The following PCDHGA9 variants were observed in gnomAD, a reference collection of about 807,000 sequenced individuals.
PCDHGA9 encodes protocadherin gamma subfamily A, 9.
Under a neutral mutation model 62.5 loss-of-function variants are expected in PCDHGA9, and 37 were observed. The observed-to-expected ratio is 0.59, with a 90% CI of 0.46 to 0.78. The LOEUF is 0.78. Ranked by LOEUF, PCDHGA9 falls within the 30% of genes least tolerant of loss-of-function variation. The pLI is 0.00. For missense variants in PCDHGA9, 1,138 were observed against 1,166.2 expected, an observed-to-expected ratio of 0.98 and a Z score of 0.35; for synonymous variants, 459 against 484.6, an observed-to-expected ratio of 0.95 and a Z score of 0.69.
At chr5:141,406,332 G>A (rs957923011) in intron 1 of PCDHGA9, among the ~76,000 whole-genome samples, 4 of 152,142 alleles carry the variant, frequency 2.6e-5, no homozygotes, top group East Asian at 1.9e-4. Context: ...TTACTCCTAC[G>A]ATCATTTATT....
chr5:141,491,438 G>A lies in PCDHGA9; in HGVS notation c.2425-3369G>A, dbSNP rs376927300. The A allele has an allele frequency of 3.7e-6, 6 of 1,614,066 alleles. No homozygotes were observed. Among genetic ancestry groups the A allele is most frequent in the Admixed American group, 1.7e-5 (1 of 60,016 alleles). On this transcript the variant is annotated intron_variant, in intron 1 of 3. Coordinates refer to ENST00000573521, the MANE Select transcript of PCDHGA9 (RefSeq NM_018921.3). This position sits in a 1 kb window ranked among gnomAD's most constrained non-coding sequence, Gnocchi z 6.9. ...GGGGGTGGAGGGCAGTGCTGCAGGC[G>A]CCAGGACTCACCCTCCCCGGACTTC...
chr5:141,481,691 C>T (rs929210528), intron 1 of PCDHGA9, among the ~76,000 whole-genome samples: 7 of 152,080 alleles, frequency 4.6e-5, no homozygotes, highest in African/African-American at 1.4e-4. Flanking sequence ...TGGTGGCTCA[C>T]GCCTGTAATC....
chr5:141,429,638 A>G (rs2097231013), intron 1 of PCDHGA9, among the ~76,000 whole-genome samples: 1 of 152,238 alleles, frequency 6.6e-6, no homozygotes, highest in African/African-American at 2.4e-5. Flanking sequence ...ACAGCTACCT[A>G]TATATTTCTT....
At position 141,486,464 on chromosome 5, in the gene PCDHGA9, G is replaced by A; in HGVS notation, c.2425-8343G>A. The A allele has an allele frequency of 1.2e-6, 2 of 1,614,034 alleles. No homozygotes were observed. Among genetic ancestry groups the A allele is most frequent in the Non-Finnish European group, 1.7e-6 (2 of 1,179,946 alleles). On this transcript the variant is annotated intron_variant, in intron 1 of 3. Transcript: ENST00000573521. This position sits in a 1 kb window ranked among gnomAD's most constrained non-coding sequence, Gnocchi z 5.0. ...CATCATGGTCACTGCTTCTGATGCTGGGAACCCTCCTCTCAGTACCCACAG... is the reference window on the plus strand; with the variant it reads ...CATCATGGTCACTGCTTCTGATGCTAGGAACCCTCCTCTCAGTACCCACAG...
At position 141,421,139 on chromosome 5, in the gene PCDHGA9, A is replaced by T. The variant is rs2096548615; in HGVS notation, c.2424+15763A>T. Reference sequence around the variant, plus strand: ...TCCTTCGCTTTCTGATATATTTTGGATGTAGTCGGCCTAGGACTTCATAGA... The same window carrying T: ...TCCTTCGCTTTCTGATATATTTTGGTTGTAGTCGGCCTAGGACTTCATAGA... On this transcript the variant is annotated intron_variant, in intron 1 of 3. Transcript: ENST00000573521. 5 of 913,574 alleles carry T rather than the reference A, an allele frequency of 5.5e-6. No individual in the cohort carries two copies. The South Asian group carries it at 8.8e-5, about 16-fold the overall frequency. 56.6% of individuals were successfully genotyped at this position (913,574 alleles called of 1,614,324 possible). A position where few individuals can be genotyped will look rare whatever the true frequency, so the allele number is the denominator to read the frequency against.
chr5:141,489,427 C>G lies in PCDHGA9; in HGVS notation c.2425-5380C>G, dbSNP rs370540900. ...AAAGATGACAGATCTGTTGAGCCGG[C>G]GGCTGCAATTGGGCTCTGAGGAGAA... On this transcript the variant is annotated intron_variant, in intron 1 of 3. Transcript: ENST00000573521. The surrounding 1 kb of genome is among the most constrained non-coding windows in gnomAD (Gnocchi z 4.5). 6.2e-7 allele frequency: 1 copy of G among 1,614,108 alleles called. No homozygotes were observed. Among genetic ancestry groups the G allele is most frequent in the South Asian group, 1.1e-5 (1 of 91,086 alleles).
At position 141,404,568 on chromosome 5, in the gene PCDHGA9, G is replaced by A. The variant is rs2094540345; in HGVS notation, c.1616G>A (p.Ser539Asn). The A allele has an allele frequency of 6.2e-7, 1 of 1,613,868 alleles. No homozygotes were observed. The highest frequency in any genetic ancestry group is 8.5e-7 in the Non-Finnish European group (1 of 1,179,760). Residue 539 changes from serine (S) to asparagine (N), a missense_variant, in exon 1 of 4, where the codon AGC becomes AAC. Physicochemically the swap from Ser to Asn is conservative, Grantham distance 46 (BLOSUM62 1). Coordinates refer to ENST00000573521, the MANE Select transcript of PCDHGA9 (RefSeq NM_018921.3). ...QMQVTASDSGSPPLSSNVSLR... is the reference protein window; with the variant it reads ...QMQVTASDSGNPPLSSNVSLR... Reference sequence around the variant, plus strand: ...CAGGTGACGGCAAGTGACAGTGGAAGCCCACCACTTAGCAGCAATGTGTCA... The same window carrying A: ...CAGGTGACGGCAAGTGACAGTGGAAACCCACCACTTAGCAGCAATGTGTCA...
intron 1 of PCDHGA9, chr5:141,410,037 G>A: frequency 1.2e-6 from 2 of 1,613,250 alleles, no homozygotes; most frequent in Non-Finnish European, 1.7e-6. Flanking sequence ...CTGCAGGCCA[G>A]TGAGCCCGGA....
intron 1 of PCDHGA9, chr5:141,410,320 C>G (rs752279818): frequency 8.1e-6 from 13 of 1,613,880 alleles, no homozygotes; most frequent in African/African-American, 2.7e-5. Context: ...TCCTCCTCGC[C>G]GTGATTCTGG....
intron 1 of PCDHGA9, chr5:141,416,848 G>A (rs2154546681): frequency 1.3e-5 from 2 of 152,166 alleles, no homozygotes; most frequent in East Asian, 3.9e-4. Flanking sequence ...ATAATTCCAT[G>A]ATTTTTTTCA....
At chr5:141,503,902 C>T (rs552180745) in intron 2 of PCDHGA9, among the ~76,000 whole-genome samples, 7 of 152,328 alleles carry the variant, frequency 4.6e-5, no homozygotes, top group African/African-American at 1.7e-4. Context: ...AATATGCACA[C>T]ACACAACGCA....
In PCDHGA9 at chr5:141,415,516, G is replaced by T. The variant is rs199990575; in HGVS notation, c.2424+10140G>T. The T allele has an allele frequency of 1.9e-6, 3 of 1,614,220 alleles. No individual in the cohort carries two copies. In the African/African-American group the frequency reaches 4.0e-5, roughly 22 times the overall value. ...GATCTTCCCCCAGCCCAATTATGCG[G>T]ACACGCTCATCAGCCAGGAGAGCTG... On this transcript the variant is annotated intron_variant, in intron 1 of 3. Coordinates refer to ENST00000573521, the MANE Select transcript of PCDHGA9 (RefSeq NM_018921.3).
chr5:141,510,834 G>T, intron 3 of PCDHGA9, 113 bp from the exon 4 acceptor site: 1 of 1,581,880 alleles, frequency 6.3e-7, no homozygotes. Flanking sequence ...AGTGCTCAGC[G>T]TGGTCAAGGC....
intron 1 of PCDHGA9, chr5:141,413,345 G>A (rs2095628318): frequency 8.7e-6 from 14 of 1,613,996 alleles, no homozygotes; most frequent in Non-Finnish European, 1.0e-5. Flanking sequence ...AAGGACTTGG[G>A]TCTGGCGCCC....
intron 1 of PCDHGA9, among the ~76,000 whole-genome samples, chr5:141,437,034 C>T (rs1282216386): frequency 1.3e-5 from 2 of 152,194 alleles, no homozygotes. Context: ...AAATGGATCA[C>T]CGAAACCAGA....
At chr5:141,458,289 T>G (rs2154566205) in intron 1 of PCDHGA9, among the ~76,000 whole-genome samples, 1 of 152,280 alleles carries the variant, frequency 6.6e-6, no homozygotes, top group African/African-American at 2.4e-5. Flanking sequence ...CTGGTCCTCA[T>G]GCTGGTTTAG....
chr5:141,497,626 G>T (rs1373764805), intron 2 of PCDHGA9, among the ~76,000 whole-genome samples: 3 of 149,502 alleles, frequency 2.0e-5, no homozygotes, highest in Non-Finnish European at 4.4e-5. Flanking sequence ...TGCAACCTCT[G>T]CCTGCCAGGT....
Position 141,404,638 on chromosome 5 carries a change from C to T in PCDHGA9, c.1686C>T (p.Ile562=), listed in dbSNP as rs776247476. The change falls in exon 1 of 4, where the codon ATC becomes ATT. Residue 562 remains isoleucine, a synonymous_variant. Coordinates refer to ENST00000573521, the MANE Select transcript of PCDHGA9 (RefSeq NM_018921.3). The part of the protein sequence containing the change: ...VLDQNDNAPE[I]LYPALPTDGS... Reference sequence around the variant, plus strand: ...ACCAGAATGACAATGCCCCAGAAATCCTGTACCCTGCCCTCCCCACTGATG... The same window carrying T: ...ACCAGAATGACAATGCCCCAGAAATTCTGTACCCTGCCCTCCCCACTGATG... 5 of 1,614,194 alleles carry T rather than the reference C, an allele frequency of 3.1e-6. No homozygotes were observed. In the South Asian group the frequency reaches 5.5e-5, roughly 18 times the overall value.
chr5:141,404,898 A>G lies in PCDHGA9; in HGVS notation c.1946A>G (p.His649Arg), dbSNP rs760424169. 3 of 1,613,714 alleles carry G rather than the reference A, an allele frequency of 1.9e-6. No homozygotes were observed. The highest frequency in any genetic ancestry group is 2.5e-6 in the Non-Finnish European group (3 of 1,179,844). ...KQSLVVAVQD[H>R]GQPPLSATVT... is the part of the protein sequence containing the mutation. The stretch of plus-strand genomic sequence containing the variant: ...AGCCTTGTGGTGGCTGTACAGGACC[A>G]TGGCCAGCCCCCTCTCTCGGCCACT... The change falls in exon 1 of 4, where the codon CAT becomes CGT. Residue 649 changes from histidine (H) to arginine (R), a missense_variant. Physicochemically the swap from His to Arg is conservative, Grantham distance 29. Transcript: ENST00000573521.
Sources: gnomAD v4.1 joint callset for allele counts (sites outside exome capture counted in the v4.1 genomes callset) on GRCh38, gnomAD v4.1.1 for gene constraint, Gnocchi (gnomAD v3.1) non-coding constraint, MANE v1.5 for transcripts, NCBI Gene and HGNC (gene_info 2026-07-23, HGNC 2026-07-21) for gene names.